The following VPS13B variants were observed in gnomAD, a reference collection of about 807,000 sequenced individuals.
VPS13B encodes the protein intermembrane lipid transfer protein VPS13B.
Under a neutral mutation model 426.4 loss-of-function variants are expected in VPS13B, and 285 were observed. That is an observed-to-expected ratio of 0.67 (90% confidence interval 0.61 to 0.74). The LOEUF (loss-of-function observed/expected upper bound fraction) is 0.74. Among genes scored for constraint, VPS13B ranks in the 30% least tolerant of loss-of-function variants. The probability of loss-of-function intolerance (pLI) is 0.00; values close to 1 mark genes in which losing one functional copy is unlikely to be tolerated. For missense variants in VPS13B, 4,537 were observed against 4,782.6 expected (o/e 0.95, Z 1.51); for synonymous variants, 1,676 against 1,676.4 (o/e 1.00, Z 0.01).
intron 19 of VPS13B, among the ~76,000 whole-genome samples, chr8:99,322,614 G>T (rs1431414321): frequency 6.6e-6 from 1 of 152,176 alleles, no homozygotes; most frequent in Non-Finnish European, 1.5e-5. Context: ...AGTTTAACAT[G>T]AATGCAATCC....
At chr8:99,758,866 T>C (rs1331021387) in intron 39 of VPS13B, among the ~76,000 whole-genome samples, 2 of 152,122 alleles carry the variant, frequency 1.3e-5, no homozygotes, top group East Asian at 3.9e-4. Flanking sequence ...AAAATTTTGC[T>C]GTCCCCTGGG....
At chr8:99,409,394 C>T (rs1815499735) in intron 21 of VPS13B, among the ~76,000 whole-genome samples, 1 of 152,016 alleles carries the variant, frequency 6.6e-6, no homozygotes, top group African/African-American at 2.4e-5. Flanking sequence ...GGTGGCAAGG[C>T]TGTGAGTATT....
At chr8:99,359,608 G>A (rs1385094866) in intron 19 of VPS13B, among the ~76,000 whole-genome samples, 1 of 151,892 alleles carries the variant, frequency 6.6e-6, no homozygotes, top group African/African-American at 2.4e-5. Flanking sequence ...AATTTCCAAA[G>A]TTTACTATGT....
intron 54 of VPS13B, among the ~76,000 whole-genome samples, chr8:99,841,782 G>A (rs183645198): frequency 1.1e-3 from 162 of 152,220 alleles, no homozygotes; most frequent in African/African-American, 3.7e-3. Context: ...TTCTGTGACT[G>A]GGGTCTGCTT....
intron 33 of VPS13B, among the ~76,000 whole-genome samples, chr8:99,592,530 T>C (rs1826745789): frequency 1.3e-5 from 2 of 151,740 alleles, no homozygotes; most frequent in South Asian, 4.2e-4. Flanking sequence ...TTGACGTTGT[T>C]GCTATTCCTT....
intron 56 of VPS13B, among the ~76,000 whole-genome samples, chr8:99,855,903 A>G (rs796907740): frequency 6.6e-6 from 1 of 152,236 alleles, no homozygotes. Flanking sequence ...AGTTTAATAG[A>G]TGGGTGTATT....
At chr8:99,447,473 C>T (rs1479181524) in intron 23 of VPS13B, among the ~76,000 whole-genome samples, 7 of 152,176 alleles carry the variant, frequency 4.6e-5, no homozygotes. Flanking sequence ...ATTTTCTGCA[C>T]TGTGAGTTAG....
rs1816115927 is a variant in VPS13B, at chr8:99,848,888, C to G, written c.10055C>G (p.Thr3352Ser). The G allele has an allele frequency of 6.2e-7, 1 of 1,613,100 alleles. No individual in the cohort carries two copies. The highest frequency in any genetic ancestry group is 1.3e-5 in the African/African-American group (1 of 74,914). Residue 3352 changes from threonine to serine, a missense_variant, in exon 55 of 62, where the codon ACC becomes AGC. Thr to Ser is a moderately conservative substitution (Grantham distance 58). Transcript: ENST00000357162. Reference protein sequence around the residue: ...EGKAGPILTNTNRAPEKIVTF... With the variant: ...EGKAGPILTNSNRAPEKIVTF... ...AAAGCAGGACCTATTTTAACCAATA[C>G]CAACAGGTAGGTTTAATTATTTTCC...
chr8:99,862,644 G>A (rs1450782155), intron 58 of VPS13B, among the ~76,000 whole-genome samples: 1 of 152,198 alleles, frequency 6.6e-6, no homozygotes, highest in Non-Finnish European at 1.5e-5. Flanking sequence ...GCTTGGCAAT[G>A]TGCCTTCCGC....
chr8:99,259,473 G>A (rs1407782108), intron 17 of VPS13B, among the ~76,000 whole-genome samples: 2 of 152,014 alleles, frequency 1.3e-5, no homozygotes, highest in Non-Finnish European at 2.9e-5. Flanking sequence ...GGGAGTGTGG[G>A]CAAGTAGGGG....
chr8:99,396,337 T>C (rs1468125747), intron 21 of VPS13B, among the ~76,000 whole-genome samples: 1 of 151,978 alleles, frequency 6.6e-6, no homozygotes, highest in Non-Finnish European at 1.5e-5. Context: ...AAGCAACTTA[T>C]CCAAAGTTAA....
intron 19 of VPS13B, among the ~76,000 whole-genome samples, chr8:99,304,363 A>G (rs957308561): frequency 1.3e-5 from 2 of 151,536 alleles, no homozygotes; most frequent in Non-Finnish European, 2.9e-5. Flanking sequence ...AGAAATTCAT[A>G]TTTTCTATTG....
At chr8:99,481,266 C>T (rs1163175679) in intron 24 of VPS13B, among the ~76,000 whole-genome samples, 3 of 152,056 alleles carry the variant, frequency 2.0e-5, no homozygotes, top group Admixed American at 2.0e-4. Flanking sequence ...ACTAGAACGC[C>T]TTTGTTTTTT....
intron 3 of VPS13B, among the ~76,000 whole-genome samples, chr8:99,065,050 G>A (rs1331325973): frequency 6.6e-6 from 1 of 152,120 alleles, no homozygotes; most frequent in East Asian, 1.9e-4. Context: ...TTACAGACAA[G>A]CAAATGCTGA....
chr8:99,384,754 T>G (rs76689221), intron 20 of VPS13B, among the ~76,000 whole-genome samples: 2,085 of 152,300 alleles, frequency 0.014, 25 homozygotes, highest in Non-Finnish European at 0.025. Flanking sequence ...TTCAAGTGAT[T>G]CTCTCGGGAC....
intron 19 of VPS13B, among the ~76,000 whole-genome samples, chr8:99,382,281 T>C (rs564531143): frequency 3.3e-5 from 5 of 152,328 alleles, no homozygotes; most frequent in Admixed American, 1.3e-4. Flanking sequence ...CTTTGTTCTT[T>C]TAGCTTAGGA....
chr8:99,714,181 C>T (rs1352816003), intron 36 of VPS13B, among the ~76,000 whole-genome samples: 1 of 149,706 alleles, frequency 6.7e-6, no homozygotes, highest in Admixed American at 6.6e-5. Flanking sequence ...TAAAAGGACA[C>T]AGGGACCATC....
chr8:99,085,204 G>A (rs1845708083), intron 3 of VPS13B, among the ~76,000 whole-genome samples: 1 of 152,140 alleles, frequency 6.6e-6, no homozygotes, highest in South Asian at 2.1e-4. Context: ...TTACCATTAT[G>A]TAATGGCCTT....
chr8:99,549,794 T>A (rs568732895), intron 30 of VPS13B, among the ~76,000 whole-genome samples: 1 of 152,164 alleles, frequency 6.6e-6, no homozygotes, highest in East Asian at 1.9e-4. Flanking sequence ...CTTTTCAGGG[T>A]TTCTAGATGT....
Sources: allele counts gnomAD v4.1 joint callset (sites outside exome capture counted in the v4.1 genomes callset), GRCh38; gene constraint gnomAD v4.1.1; transcripts MANE v1.5; gene names NCBI Gene and HGNC (gene_info 2026-07-23, HGNC 2026-07-21).